The following SEMA3F variants were observed in gnomAD, a reference collection of about 807,000 sequenced individuals.
SEMA3F encodes semaphorin-3F.
Under a neutral mutation model 98.5 loss-of-function variants are expected in SEMA3F, and 30 were observed. The ratio of observed to expected loss-of-function variants is 0.30; its 90% CI spans 0.23 to 0.41. The LOEUF (loss-of-function observed/expected upper bound fraction) is 0.41, where lower values mean the gene tolerates loss of function less well. SEMA3F is among the 10% of genes least tolerant of loss of function. SEMA3F has a pLI of 1.00. For synonymous variants in SEMA3F, 380 were observed against 444.8 expected (o/e 0.85, Z 1.83); for missense variants, 866 against 1,119.3 (o/e 0.77, Z 3.23).
chr3:50,157,701 C>G (rs1434179804), intron 1 of SEMA3F, among the ~76,000 whole-genome samples: 1 of 152,156 alleles, frequency 6.6e-6, no homozygotes, highest in Non-Finnish European at 1.5e-5. Flanking sequence ...TCCCCATTCA[C>G]CTCTTTAAAA....
chr3:50,176,935 C>T, intron 7 of SEMA3F, 74 bp downstream of exon 7: 1 of 1,218,172 alleles, frequency 8.2e-7, no homozygotes, highest in Non-Finnish European at 1.2e-6. Context: ...ATGGCACCAA[C>T]ACTTACCCAA....
At chr3:50,181,626 C>CTTTTTTTT (rs879346985) in intron 7 of SEMA3F, among the ~76,000 whole-genome samples, 55 of 136,986 alleles carry the variant, frequency 4.0e-4, no homozygotes, top group African/African-American at 1.5e-3. Context: ...TGCCCGGCCT[C>CTTTTTTTT]TTTTTTTTTT....
At chr3:50,185,226 C>A (rs1464204752) in intron 13 of SEMA3F, among the ~76,000 whole-genome samples, 3 of 152,216 alleles carry the variant, frequency 2.0e-5, no homozygotes, top group Admixed American at 1.3e-4. Flanking sequence ...CAGCAGGGCC[C>A]AAAATCAGGG....
At chr3:50,157,372 C>T (rs1698029004) in intron 1 of SEMA3F, among the ~76,000 whole-genome samples, 1 of 152,168 alleles carries the variant, frequency 6.6e-6, no homozygotes, top group African/African-American at 2.4e-5. Flanking sequence ...TCCCGCCTGC[C>T]TCCCTCCCTT....
chr3:50,182,998 A>T lies in SEMA3F; in HGVS notation c.998A>T (p.Glu333Val). 6 of 1,613,840 alleles carry T rather than the reference A, an allele frequency of 3.7e-6. No homozygotes were observed. Among genetic ancestry groups the T allele is most frequent in the Non-Finnish European group, 4.2e-6 (5 of 1,179,972 alleles). Residue 333 changes from glutamate (E) to valine (V), a missense_variant, in exon 10 of 19, where the codon GAG becomes GTG. Glu to Val is a moderately radical substitution (Grantham distance 121). Coordinates refer to ENST00000002829, the MANE Select transcript of SEMA3F (RefSeq NM_004186.5). This position sits in a 1 kb window ranked among gnomAD's most constrained non-coding sequence, Gnocchi z 4.5. ...TCTGTCCCGGGCGAGGATGGCATTGAGACTCACTTTGATGAGCTCCGTGAG... is the reference window on the plus strand; with the variant it reads ...TCTGTCCCGGGCGAGGATGGCATTGTGACTCACTTTGATGAGCTCCGTGAG... ...VCSVPGEDGIETHFDELQDVF... is the reference protein window; with the variant it reads ...VCSVPGEDGIVTHFDELQDVF...
In SEMA3F at chr3:50,186,580, T is replaced by A. The variant is rs760348617; in HGVS notation, c.1814-33T>A. The A allele has an allele frequency of 8.9e-6, 14 of 1,572,608 alleles. No individual in the cohort carries two copies. The South Asian group carries it at 1.6e-4, about 18-fold the overall frequency. ...CAGTCAGCAGGCTGCCCGGAGGTGA[T>A]GCTGCTTTTGCTCAACCCCTCTCAC... On this transcript the variant is annotated intron_variant, in intron 17 of 18. Transcript: ENST00000002829.
At chr3:50,155,270 C>T (rs1216491931), upstream of SEMA3F, 1 of 326,010 alleles carries the variant, frequency 3.1e-6, no homozygotes, top group Non-Finnish European at 5.5e-6. This position sits in a 1 kb window ranked among gnomAD's most constrained non-coding sequence, Gnocchi z 4.9. Context: ...GGGAATGCGC[C>T]CTCGGCGCGC....
At chr3:50,157,863 G>C (rs748372702) in intron 1 of SEMA3F, among the ~76,000 whole-genome samples, 5 of 152,140 alleles carry the variant, frequency 3.3e-5, no homozygotes, top group Non-Finnish European at 5.9e-5. Flanking sequence ...GTCATGGGGA[G>C]GGGGGAGGCG....
rs1698392676 is a variant in SEMA3F at position 50,166,077 on chromosome 3, T to A, written c.112+6343T>A. Reference sequence around the variant, plus strand: ...GGGATCAGGAAGCCTCAGCTCCGGATCCCCCTTCCCCCACTCTTCTTCCTT... The same window carrying A: ...GGGATCAGGAAGCCTCAGCTCCGGAACCCCCTTCCCCCACTCTTCTTCCTT... On this transcript the variant is annotated intron_variant, in intron 2 of 18. Coordinates refer to ENST00000002829, the MANE Select transcript of SEMA3F (RefSeq NM_004186.5). The surrounding 1 kb of genome is among the most constrained non-coding windows in gnomAD (Gnocchi z 4.7). 1.3e-5 allele frequency among the ~76,000 whole-genome samples: 2 copies of A among 151,724 alleles called. No individual in the cohort carries two copies. The highest frequency in any genetic ancestry group is 4.2e-4 in the South Asian group (2 of 4,818).
intron 1 of SEMA3F, 99 bp from the exon 2 acceptor site, chr3:50,159,476 G>A (rs1409902438): frequency 6.8e-6 from 4 of 584,156 alleles, no homozygotes; most frequent in Non-Finnish European, 1.2e-5. Flanking sequence ...GGCTGGGGGT[G>A]GAAGCGTGGA....
intron 1 of SEMA3F, among the ~76,000 whole-genome samples, chr3:50,157,245 C>T (rs1395345906): frequency 2.0e-5 from 3 of 152,036 alleles, no homozygotes; most frequent in African/African-American, 7.3e-5. Flanking sequence ...CAGGTGCCTC[C>T]GGACTCCTTC....
intron 17 of SEMA3F, 72 bp downstream of exon 17, chr3:50,186,420 A>C (rs1242662386): frequency 6.6e-7 from 1 of 1,514,718 alleles, no homozygotes; most frequent in Non-Finnish European, 9.1e-7. Context: ...GAAGCTGCTC[A>C]CAGGGCCCCC....
intron 17 of SEMA3F, 38 bp from the exon 18 acceptor site, chr3:50,186,575 G>T: frequency 6.4e-7 from 1 of 1,572,214 alleles, no homozygotes; most frequent in Admixed American, 1.7e-5. Context: ...GCTGCCCGGA[G>T]GTGATGCTGC....
intron 2 of SEMA3F, among the ~76,000 whole-genome samples, chr3:50,164,533 G>C (rs1429098082): frequency 2.0e-5 from 3 of 152,150 alleles, no homozygotes; most frequent in Non-Finnish European, 4.4e-5. Context: ...ATGGGTACCT[G>C]GTCCTTGACT....
At chr3:50,177,195 ATCG>A in intron 7 of SEMA3F, among the ~76,000 whole-genome samples, 1 of 152,194 alleles carries the variant, frequency 6.6e-6, no homozygotes, top group Middle Eastern at 3.2e-3. Flanking sequence ...CCGAGTGCGT[ATCG>A]GGGCTGGTCT....
chr3:50,186,240 A>G, intron 16 of SEMA3F, 41 bp from the exon 17 acceptor site: 1 of 1,602,796 alleles, frequency 6.2e-7, no homozygotes, highest in South Asian at 1.1e-5. Flanking sequence ...TGGGGGGGCA[A>G]GCTTCCTGGG....
At chr3:50,183,160 C>T (rs754733958) in intron 10 of SEMA3F, 26 bp from the exon 11 acceptor site, 8 of 1,612,816 alleles carry the variant, frequency 5.0e-6, no homozygotes, top group East Asian at 4.5e-5. Context: ...ATGGCACCCT[C>T]CAACACCTTC....
At chr3:50,169,699 C>G (rs1357755197) in intron 2 of SEMA3F, among the ~76,000 whole-genome samples, 1 of 152,238 alleles carries the variant, frequency 6.6e-6, no homozygotes, top group Non-Finnish European at 1.5e-5. Context: ...GCATGGCGCT[C>G]CTGCTGCCAG....
At chr3:50,186,559 C>G (rs578172923) in intron 17 of SEMA3F, 54 bp from the exon 18 acceptor site, 3 of 1,560,264 alleles carry the variant, frequency 1.9e-6, no homozygotes, top group African/African-American at 1.3e-5. Context: ...CCGAAGCAGT[C>G]AGCAGGCTGC....
Sources: allele counts gnomAD v4.1 joint callset (sites outside exome capture counted in the v4.1 genomes callset), GRCh38; gene constraint gnomAD v4.1.1; non-coding constraint Gnocchi (gnomAD v3.1); transcripts MANE v1.5; gene names NCBI Gene and HGNC (gene_info 2026-07-23, HGNC 2026-07-21).